TIAM1: variants seen among roughly 807,000 people sequenced by gnomAD.
The protein encoded by TIAM1 is TIAM Rac1 associated GEF 1, also known as rho guanine nucleotide exchange factor TIAM1.
In TIAM1, 65 loss-of-function variants were observed where a neutral mutation model predicts 163.5. That is an observed-to-expected ratio of 0.40 (90% CI 0.33 to 0.49). The LOEUF is 0.49. TIAM1 is among the 20% of genes least tolerant of loss of function. The pLI is 0.77. For missense variants in TIAM1, 1,789 were observed against 2,044.7 expected, an observed-to-expected ratio of 0.87 and a Z score of 2.41; for synonymous variants, 833 against 810.1, an observed-to-expected ratio of 1.03 and a Z score of -0.48.
rs1378013928 is a variant in TIAM1 at position 31,119,849 on chromosome 21, C to T, written c.*519G>A. The T allele has an allele frequency of 6.6e-6, 1 of 151,694 alleles. No individual in the cohort carries two copies. Among genetic ancestry groups the T allele is most frequent in the East Asian group, 1.9e-4 (1 of 5,164 alleles). 9.4% of individuals were successfully genotyped at this position (151,694 alleles called of 1,614,324 possible). On this transcript the variant is annotated 3_prime_UTR_variant, in exon 28 of 28. Coordinates refer to ENST00000541036, the MANE Select transcript of TIAM1 (RefSeq NM_001353694.2). ...AGGCTCATTGAAACATGAATCGCCA[C>T]CCTCTCCTCACACATTCTTAAAATA...
At chr21:31,489,782 C>A (rs2046405909) in intron 1 of TIAM1, among the ~76,000 whole-genome samples, 1 of 152,128 alleles carries the variant, frequency 6.6e-6, no homozygotes, top group East Asian at 1.9e-4. Context: ...AGAGGGAGAG[C>A]CCTGGAGGGG....
chr21:31,241,918 G>A (rs928894039), intron 6 of TIAM1, among the ~76,000 whole-genome samples: 2 of 152,160 alleles, frequency 1.3e-5, no homozygotes, highest in African/African-American at 4.8e-5. Flanking sequence ...GCTAAGGTGG[G>A]AAGATTGCTT....
chr21:31,430,225 A>AAATAT (rs1555978198), intron 2 of TIAM1, among the ~76,000 whole-genome samples: 8 of 90,242 alleles, frequency 8.9e-5, no homozygotes, highest in African/African-American at 2.3e-4. Context: ...AAAAAAAAAA[A>AAATAT]ATATATATAT....
intron 19 of TIAM1, among the ~76,000 whole-genome samples, chr21:31,148,331 G>A (rs1048061815): frequency 2.0e-5 from 3 of 152,162 alleles, no homozygotes; most frequent in Admixed American, 2.0e-4. Flanking sequence ...TCTCATGATA[G>A]CGAATAAGTC....
At chr21:31,329,317 A>T (rs1057281980) in intron 2 of TIAM1, among the ~76,000 whole-genome samples, 1 of 152,242 alleles carries the variant, frequency 6.6e-6, no homozygotes, top group Non-Finnish European at 1.5e-5. Context: ...TGACTTCAAA[A>T]GTCAAAGACA....
intron 1 of TIAM1, among the ~76,000 whole-genome samples, chr21:31,556,039 T>A (rs1250570939): frequency 6.6e-6 from 1 of 152,108 alleles, no homozygotes; most frequent in African/African-American, 2.4e-5. Context: ...GGACGAGCAT[T>A]AGAGTGGAGT....
At chr21:31,236,635 A>C (rs1490655280) in intron 6 of TIAM1, among the ~76,000 whole-genome samples, 2 of 152,236 alleles carry the variant, frequency 1.3e-5, no homozygotes, top group Non-Finnish European at 2.9e-5. Flanking sequence ...TTTTGAAAAA[A>C]AAATCTATTA....
intron 1 of TIAM1, among the ~76,000 whole-genome samples, chr21:31,534,567 C>T (rs555533351): frequency 8.1e-4 from 123 of 152,146 alleles, no homozygotes; most frequent in African/African-American, 3.0e-3. Flanking sequence ...CCCAGCTACT[C>T]GGGAAGCTGA....
At chr21:31,211,979 T>C (rs2086907568) in intron 10 of TIAM1, among the ~76,000 whole-genome samples, 1 of 152,240 alleles carries the variant, frequency 6.6e-6, no homozygotes, top group South Asian at 2.1e-4. Context: ...TGTGGACTAA[T>C]AATGGTATGC....
At chr21:31,203,280 G>A (rs778401078) in intron 11 of TIAM1, among the ~76,000 whole-genome samples, 6 of 151,960 alleles carry the variant, frequency 3.9e-5, no homozygotes, top group East Asian at 1.9e-4. Context: ...CCACCACCAC[G>A]CCCAGCTGAT....
chr21:31,151,768 C>T (rs756625428), intron 19 of TIAM1, among the ~76,000 whole-genome samples: 6 of 152,050 alleles, frequency 3.9e-5, no homozygotes, highest in East Asian at 3.9e-4. Context: ...GAGGGTGACA[C>T]GTAAGCCAAC....
intron 2 of TIAM1, among the ~76,000 whole-genome samples, chr21:31,435,642 T>C (rs748544209): frequency 4.6e-5 from 7 of 152,202 alleles, no homozygotes; most frequent in Non-Finnish European, 8.8e-5. Flanking sequence ...TGGCCCCACT[T>C]TGGTTCATAA....
At chr21:31,482,331 T>C (rs1277983850) in intron 1 of TIAM1, among the ~76,000 whole-genome samples, 1 of 151,978 alleles carries the variant, frequency 6.6e-6, no homozygotes, top group Non-Finnish European at 1.5e-5. Flanking sequence ...TTTGTACTTA[T>C]AGTAGAGACA....
At chr21:31,329,588 C>T (rs2075610731) in intron 2 of TIAM1, among the ~76,000 whole-genome samples, 1 of 152,224 alleles carries the variant, frequency 6.6e-6, no homozygotes, top group Non-Finnish European at 1.5e-5. Context: ...CCAGAAAATG[C>T]ATCCTTAGTG....
intron 2 of TIAM1, among the ~76,000 whole-genome samples, chr21:31,313,026 T>G (rs1252107214): frequency 6.6e-6 from 1 of 152,196 alleles, no homozygotes; most frequent in African/African-American, 2.4e-5. Context: ...CGGCAGCTAC[T>G]CACCTGCCTG....
At chr21:31,163,239 A>C (rs971676355) in intron 16 of TIAM1, among the ~76,000 whole-genome samples, 10 of 152,342 alleles carry the variant, frequency 6.6e-5, no homozygotes, top group African/African-American at 2.4e-4. Context: ...AGTTCTTATA[A>C]TACTGTAACT....
At chr21:31,374,052 G>A (rs1208742476) in intron 2 of TIAM1, among the ~76,000 whole-genome samples, 5 of 151,968 alleles carry the variant, frequency 3.3e-5, no homozygotes, top group African/African-American at 7.3e-5. Flanking sequence ...TGGTATCTGG[G>A]TAGCCCCTGA....
chr21:31,223,676 T>C, intron 7 of TIAM1, 85 bp from the exon 8 acceptor site: 1 of 1,334,572 alleles, frequency 7.5e-7, no homozygotes, highest in Middle Eastern at 1.9e-4. Context: ...GATCTATATG[T>C]CGTAAAGGCA....
At chr21:31,451,206 G>T (rs2044825703) in intron 2 of TIAM1, among the ~76,000 whole-genome samples, 1 of 152,154 alleles carries the variant, frequency 6.6e-6, no homozygotes, top group Admixed American at 6.5e-5. Flanking sequence ...CACAGGTGCG[G>T]CCAGCCCACC....
Sources: allele counts gnomAD v4.1 joint callset (sites outside exome capture counted in the v4.1 genomes callset), GRCh38; gene constraint gnomAD v4.1.1; transcripts MANE v1.5; gene names NCBI Gene and HGNC (gene_info 2026-07-23, HGNC 2026-07-21).